The following PCNX2 variants were observed in gnomAD, a reference collection of about 807,000 sequenced individuals.
PCNX2 encodes the protein pecanex-like protein 2.
PCNX2 carries 168 observed loss-of-function variants against 223.8 expected under a neutral mutation model. The ratio of observed to expected loss-of-function variants is 0.75; its 90% CI spans 0.66 to 0.85. The LOEUF (loss-of-function observed/expected upper bound fraction) is 0.85. Among genes scored for constraint, PCNX2 ranks in the 40% least tolerant of loss-of-function variants. The pLI, the probability that PCNX2 is intolerant of heterozygous loss-of-function variation, is 0.00. For missense variants in PCNX2, 2,507 were observed against 2,675.5 expected, an observed-to-expected ratio of 0.94 and a Z score of 1.39; for synonymous variants, 1,006 against 1,052.6, an observed-to-expected ratio of 0.96 and a Z score of 0.86.
At chr1:233,284,625 T>C (rs1661352211) in intron 1 of PCNX2, among the ~76,000 whole-genome samples, 1 of 152,142 alleles carries the variant, frequency 6.6e-6, no homozygotes, top group Non-Finnish European at 1.5e-5. Context: ...CATCAATCCA[T>C]CTTGTTCTCC....
chr1:233,302,061 G>T, the PCNX2 span, among the ~76,000 whole-genome samples: 9 of 152,114 alleles, frequency 5.9e-5, no homozygotes, highest in African/African-American at 2.2e-4. Context: ...CTCCCAAAGT[G>T]TTGGGATTAT....
chr1:233,171,990 G>A lies in PCNX2; in HGVS notation c.3273+5812C>T, dbSNP rs184110073. ...TCTCCCATGTGTGGGGTGTGTGGTGGTGTATATTTCAATTGATTCATTTGT... is the reference window on the plus strand; with the variant it reads ...TCTCCCATGTGTGGGGTGTGTGGTGATGTATATTTCAATTGATTCATTTGT... On this transcript the variant is annotated intron_variant, in intron 17 of 33. Transcript: ENST00000258229. Among the ~76,000 whole-genome samples the A allele has an allele frequency of 3.3e-5, 5 of 152,186 alleles. No homozygotes were observed. In the South Asian group the frequency reaches 6.2e-4, roughly 19 times the overall value.
At chr1:233,135,320 G>A in intron 20 of PCNX2, 130 bp from the exon 21 acceptor site, 2 of 980,408 alleles carry the variant, frequency 2.0e-6, no homozygotes, top group East Asian at 2.6e-5. Context: ...CCAATCTAAG[G>A]GGCCCCATTA....
chr1:233,096,498 G>A, intron 21 of PCNX2, among the ~76,000 whole-genome samples: 1 of 151,940 alleles, frequency 6.6e-6, no homozygotes, highest in African/African-American at 2.4e-5. Context: ...AGAGAAGGAT[G>A]GACTACTCTG....
intron 32 of PCNX2, among the ~76,000 whole-genome samples, chr1:232,995,192 G>A (rs1318157868): frequency 6.6e-6 from 1 of 152,156 alleles, no homozygotes; most frequent in Non-Finnish European, 1.5e-5. Flanking sequence ...AGAGCAGGGT[G>A]GCAGCAAGGC....
rs372337688 is a variant in PCNX2 at position 233,025,355 on chromosome 1, C to A, written c.4396G>T (p.Asp1466Tyr). 3.7e-6 allele frequency: 6 copies of A among 1,614,022 alleles called. No individual in the cohort carries two copies. Among genetic ancestry groups the A allele is most frequent in the Admixed American group, 1.7e-5 (1 of 60,032 alleles). The change falls in exon 26 of 34, where the codon GAC becomes TAC. Residue 1466 changes from aspartate (D) to tyrosine (Y), a missense_variant. By Grantham distance (160) the Asp-to-Tyr change is radical (BLOSUM62 -3). Transcript: ENST00000258229. ...CAGCAGCAGCCTCTGTCCTCCTCGTCGCCCTCCATGATGGCTTCTACCTCC... is the reference window on the plus strand; with the variant it reads ...CAGCAGCAGCCTCTGTCCTCCTCGTAGCCCTCCATGATGGCTTCTACCTCC... ...QREVEAIMEGDEEDRGCCCCK... is the reference protein window; with the variant it reads ...QREVEAIMEGYEEDRGCCCCK...
chr1:233,058,743 G>A (rs1233406240), intron 23 of PCNX2, among the ~76,000 whole-genome samples: 1 of 145,812 alleles, frequency 6.9e-6, no homozygotes, highest in Non-Finnish European at 1.5e-5. Flanking sequence ...TCGGCTCATG[G>A]CAACCTCCGC....
In PCNX2 at chr1:232,984,337, C is replaced by T. The variant is rs771346463; in HGVS notation, c.6381G>A (p.Thr2127=). 7.9e-5 allele frequency: 127 copies of T among 1,611,214 alleles called. No homozygotes were observed. Among genetic ancestry groups the T allele is most frequent in the Middle Eastern group, 5.2e-4 (3 of 5,802 alleles). Residue 2127 remains threonine, a synonymous_variant, in exon 34 of 34, where the codon ACG becomes ACA. Transcript: ENST00000258229. ...ASQEDMGLDD[T]ASQQSVSDEQ is the part of the protein sequence containing the mutation. ...CGTCTGACACACTTTGCTGCGAGGC[C>T]GTGTCGTCCAGGCCCATGTCCTCCT...
At chr1:233,308,465 CA>C in the PCNX2 span, among the ~76,000 whole-genome samples, 2 of 145,438 alleles carry the variant, frequency 1.4e-5, no homozygotes, top group Non-Finnish European at 3.0e-5. Flanking sequence ...TTTAAAAAAA[CA>C]AAAAAAAGAA....
intron 28 of PCNX2, among the ~76,000 whole-genome samples, chr1:233,011,591 T>C (rs1449068475): frequency 1.3e-5 from 2 of 152,220 alleles, no homozygotes; most frequent in East Asian, 3.8e-4. Context: ...ATCACATTTC[T>C]GCACAGCTGT....
At chr1:233,324,819 C>T in the PCNX2 span, among the ~76,000 whole-genome samples, 1 of 151,776 alleles carries the variant, frequency 6.6e-6, no homozygotes, top group Non-Finnish European at 1.5e-5. Context: ...AAACTCCTGA[C>T]CTCAGGTGAT....
chr1:233,019,309 A>G (rs573096506), intron 26 of PCNX2: 1 of 596,096 alleles, frequency 1.7e-6, no homozygotes, highest in East Asian at 1.4e-4. Context: ...GAAAAATGAA[A>G]TCTGCAGACA....
At chr1:233,214,798 A>T (rs543053740) in intron 12 of PCNX2, among the ~76,000 whole-genome samples, 2 of 152,206 alleles carry the variant, frequency 1.3e-5, no homozygotes, top group East Asian at 3.9e-4. Context: ...AATCAAACTA[A>T]TTTCTTTTGA....
chr1:233,137,175 G>A (rs1457307545), intron 20 of PCNX2, among the ~76,000 whole-genome samples: 1 of 152,216 alleles, frequency 6.6e-6, no homozygotes, highest in Non-Finnish European at 1.5e-5. Flanking sequence ...TGTCGGTGTG[G>A]AGTTTGTACA....
chr1:233,212,943 GA>G (rs900784556), intron 12 of PCNX2, among the ~76,000 whole-genome samples: 1 of 152,144 alleles, frequency 6.6e-6, no homozygotes, highest in Non-Finnish European at 1.5e-5. Context: ...CATCAACAGA[GA>G]TAAGTCATAT....
intron 28 of PCNX2, among the ~76,000 whole-genome samples, chr1:233,003,332 G>A (rs1670159882): frequency 6.6e-6 from 1 of 152,218 alleles, no homozygotes; most frequent in Admixed American, 6.5e-5. Flanking sequence ...CCATCAAAAA[G>A]TGAGCAAAGG....
At chr1:233,112,132 C>T (rs964675934) in intron 21 of PCNX2, among the ~76,000 whole-genome samples, 2 of 152,182 alleles carry the variant, frequency 1.3e-5, no homozygotes, top group African/African-American at 2.4e-5. Context: ...AAAGTACTTC[C>T]AAAACTGCTA....
intron 30 of PCNX2, chr1:232,999,670 T>G (rs557263976): frequency 3.1e-6 from 1 of 319,974 alleles, no homozygotes; most frequent in Admixed American, 4.8e-5. Flanking sequence ...GTCAGGCTGG[T>G]CTCGAACTCT....
At chr1:233,218,423 A>AT (rs1156989328) in intron 10 of PCNX2, among the ~76,000 whole-genome samples, 214 of 147,530 alleles carry the variant, frequency 1.5e-3, no homozygotes, top group African/African-American at 4.4e-3. Flanking sequence ...TAATTTTTTT[A>AT]TTTTTTTTAG....
Sources: allele counts gnomAD v4.1 joint callset (sites outside exome capture counted in the v4.1 genomes callset), GRCh38; gene constraint gnomAD v4.1.1; transcripts MANE v1.5; gene names NCBI Gene and HGNC (gene_info 2026-07-23, HGNC 2026-07-21).